The following ARHGAP21 variants were observed in gnomAD, a reference collection of about 807,000 sequenced individuals.
The protein encoded by ARHGAP21 is rho GTPase-activating protein 21.
A neutral mutation model predicts 164.6 loss-of-function variants in ARHGAP21; 38 were observed. That is an observed-to-expected ratio of 0.23 (90% CI 0.18 to 0.30). The LOEUF is 0.30. Among genes scored for constraint, ARHGAP21 ranks in the 10% least tolerant of loss-of-function variants. ARHGAP21 has a pLI of 1.00. For synonymous variants in ARHGAP21, 766 were observed against 857.9 expected (o/e 0.89, Z 1.87); for missense variants, 1,822 against 2,370.7 (o/e 0.77, Z 4.81).
In ARHGAP21 at chr10:24,619,710, A is replaced by C. The variant is rs757901911; in HGVS notation, c.2185T>G (p.Leu729Val). 1.2e-6 allele frequency: 2 copies of C among 1,614,084 alleles called. No individual in the cohort carries two copies. Among genetic ancestry groups the C allele is most frequent in the Admixed American group, 1.7e-5 (1 of 60,016 alleles). The change falls in exon 9 of 26, where the codon TTA becomes GTA. Residue 729 changes from leucine to valine, a missense_variant. Transcript: ENST00000396432. ...QEAETEQSDT[L>V]DNKEAVILRE... ...AGGATGACAGCTTCTTTATTATCTA[A>C]AGTATCTGATTGCTCAGTTTCAGCC...
chr10:24,646,587 G>A (rs1397671516), intron 4 of ARHGAP21, among the ~76,000 whole-genome samples: 4 of 152,102 alleles, frequency 2.6e-5, no homozygotes, highest in Admixed American at 2.0e-4. Flanking sequence ...ACTCCAGCCT[G>A]GGAGACAGAA....
intron 4 of ARHGAP21, among the ~76,000 whole-genome samples, chr10:24,662,964 A>ATTT (rs5783902): frequency 6.9e-5 from 10 of 145,632 alleles, no homozygotes; most frequent in African/African-American, 2.3e-4. Flanking sequence ...AGATATGCGG[A>ATTT]TTTTTTTTTT....
At chr10:24,704,877 G>A (rs938457623) in intron 2 of ARHGAP21, among the ~76,000 whole-genome samples, 1 of 152,122 alleles carries the variant, frequency 6.6e-6, no homozygotes, top group Admixed American at 6.6e-5. Context: ...ACAGGCATGA[G>A]CCATTATGCC....
At chr10:24,716,802 T>A (rs750558778) in intron 2 of ARHGAP21, among the ~76,000 whole-genome samples, 15 of 152,010 alleles carry the variant, frequency 9.9e-5, no homozygotes, top group Admixed American at 8.5e-4. Context: ...AAGAGAGACA[T>A]CAAAGATCAC....
chr10:24,620,938 T>C lies in ARHGAP21; in HGVS notation c.957A>G (p.Ser319=), dbSNP rs1189206829. The C allele has an allele frequency of 7.4e-6, 12 of 1,613,910 alleles. No individual in the cohort carries two copies. In the South Asian group the frequency reaches 1.3e-4, roughly 18 times the overall value. ...GAGTGGTGGGAATTGATAATGGTGG[T>C]GATGTGGTTCTTGACACTGTTTTTA... ...TSLKTVSRTT[S]PPLSIPTTHL... The change falls in exon 9 of 26, where the codon TCA becomes TCG. Residue 319 remains serine, a synonymous_variant. Transcript: ENST00000396432.
At position 24,607,481 on chromosome 10, in the gene ARHGAP21, A is replaced by G. The variant is rs1040436566; in HGVS notation, c.2684+18T>C. 3.7e-6 allele frequency: 6 copies of G among 1,601,536 alleles called. No individual in the cohort carries two copies. The Admixed American group carries it at 5.0e-5, about 13-fold the overall frequency. ...CCACCCACATACAAATATTTAAAAT[A>G]ATACACCCGAGACTTACAATTTTGC... On this transcript the variant is annotated intron_variant, in intron 11 of 25. Coordinates refer to ENST00000396432, the MANE Select transcript of ARHGAP21 (RefSeq NM_020824.4).
chr10:24,629,989 AACTT>A lies in ARHGAP21; in HGVS notation c.495+3_495+6del. The A allele has an allele frequency of 1.3e-6, 2 of 1,552,872 alleles. No individual in the cohort carries two copies. Among genetic ancestry groups the A allele is most frequent in the Non-Finnish European group, 1.8e-6 (2 of 1,137,020 alleles). ...AAACAACTCATATATGAATAAATAA[AACTT>A]ACCACTTGGAGAATGTCTTCATCTT... On this transcript the variant is annotated splice_donor_5th_base_variant and intron_variant, in intron 7 of 25. Transcript: ENST00000396432.
chr10:24,698,288 TAAG>T (rs1019655747), intron 2 of ARHGAP21, among the ~76,000 whole-genome samples: 3 of 152,150 alleles, frequency 2.0e-5, no homozygotes, highest in Admixed American at 2.0e-4. Flanking sequence ...TAACTAGAAT[TAAG>T]AAGCCCAAGA....
At chr10:24,658,438 A>G (rs1839308797) in intron 4 of ARHGAP21, among the ~76,000 whole-genome samples, 1 of 152,268 alleles carries the variant, frequency 6.6e-6, no homozygotes, top group Non-Finnish European at 1.5e-5. Context: ...CCAACTGTCC[A>G]TCAATGATAG....
chr10:24,607,975 C>A, intron 9 of ARHGAP21, 72 bp from the exon 10 acceptor site: 1 of 1,417,972 alleles, frequency 7.1e-7, no homozygotes, highest in South Asian at 1.5e-5. Flanking sequence ...AGTCAATAAT[C>A]ATTATTAAGG....
chr10:24,710,333 C>T (rs1844658963), intron 2 of ARHGAP21, among the ~76,000 whole-genome samples: 2 of 152,042 alleles, frequency 1.3e-5, no homozygotes, highest in Admixed American at 1.3e-4. Context: ...AAAGTTGTTC[C>T]CTGTGCCACA....
intron 7 of ARHGAP21, among the ~76,000 whole-genome samples, chr10:24,627,423 T>A (rs1835247521): frequency 6.6e-6 from 1 of 151,530 alleles, no homozygotes; most frequent in Admixed American, 6.6e-5. Flanking sequence ...TATATATTCC[T>A]TTGATTTCTT....
intron 2 of ARHGAP21, among the ~76,000 whole-genome samples, chr10:24,682,451 CAT>C (rs1415999705): frequency 6.6e-6 from 1 of 152,114 alleles, no homozygotes; most frequent in East Asian, 1.9e-4. Flanking sequence ...TTACTCTATC[CAT>C]AGTCCTAATG....
chr10:24,624,827 C>T (rs1012688657), intron 7 of ARHGAP21, among the ~76,000 whole-genome samples: 2 of 151,948 alleles, frequency 1.3e-5, no homozygotes, highest in Admixed American at 6.6e-5. Context: ...TTAAATTTTT[C>T]CCAATTTACT....
chr10:24,619,271 T>TAA (rs375757415), intron 9 of ARHGAP21, among the ~76,000 whole-genome samples: 1 of 151,296 alleles, frequency 6.6e-6, no homozygotes, highest in African/African-American at 2.4e-5. Flanking sequence ...GTTTTTTTTT[T>TAA]AAAAAAAGGA....
intron 4 of ARHGAP21, among the ~76,000 whole-genome samples, chr10:24,655,934 T>C (rs1838802346): frequency 9.6e-6 from 1 of 104,036 alleles, no homozygotes; most frequent in Non-Finnish European, 1.9e-5. Flanking sequence ...GGAGCGTCTC[T>C]GCCCGGCCAC....
intron 9 of ARHGAP21, among the ~76,000 whole-genome samples, chr10:24,611,298 A>G (rs545442320): frequency 1.2e-4 from 18 of 152,248 alleles, no homozygotes; most frequent in Non-Finnish European, 5.9e-5. Context: ...TTCTCTTCTT[A>G]TCCTTGGAGA....
rs1288020377 is a variant in ARHGAP21, at chr10:24,628,806, CATAT to C, written c.495+1186_495+1189del. ...ATACACACATATATACACATATATA[CATAT>C]ATATACATATACACACATATATGTA... is the stretch of plus-strand genomic sequence containing the variant. On this transcript the variant is annotated intron_variant, in intron 7 of 25. Transcript: ENST00000396432. Among the ~76,000 whole-genome samples the C allele has an allele frequency of 5.0e-5, 5 of 100,102 alleles. No individual in the cohort carries two copies. The East Asian group carries it at 1.0e-3, about 20-fold the overall frequency. The allele number at this position is 100,102 out of a possible 152,430, so 65.7% of individuals were successfully genotyped here.
At chr10:24,674,759 G>A (rs943373983) in intron 2 of ARHGAP21, among the ~76,000 whole-genome samples, 27 of 151,990 alleles carry the variant, frequency 1.8e-4, no homozygotes, top group Non-Finnish European at 3.4e-4. Context: ...ACACTTTTAT[G>A]AAAACGAAAA....
Sources: gnomAD v4.1 joint callset for allele counts (sites outside exome capture counted in the v4.1 genomes callset) on GRCh38, gnomAD v4.1.1 for gene constraint, MANE v1.5 for transcripts, NCBI Gene and HGNC (gene_info 2026-07-23, HGNC 2026-07-21) for gene names.